Variants in TGFBRAP1 observed in about 807,000 individuals in gnomAD.
The protein encoded by TGFBRAP1 is transforming growth factor-beta receptor-associated protein 1.
TGFBRAP1 carries 20 observed loss-of-function variants against 83.2 expected under a neutral mutation model. That is an observed-to-expected ratio of 0.24 (90% CI 0.17 to 0.35). The LOEUF is 0.35. Ranked by LOEUF, TGFBRAP1 falls within the 10% of genes least tolerant of loss-of-function variation. The pLI is 1.00. For synonymous variants in TGFBRAP1, 415 were observed against 459.8 expected (o/e 0.90, Z 1.25); for missense variants, 950 against 1,099.4 (o/e 0.86, Z 1.92).
At chr2:105,298,917 G>A (rs555632406) in intron 2 of TGFBRAP1, among the ~76,000 whole-genome samples, 1 of 152,256 alleles carries the variant, frequency 6.6e-6, no homozygotes, top group African/African-American at 2.4e-5. Flanking sequence ...TACCCAGAAT[G>A]TATATCTGAT....
the TGFBRAP1 span, among the ~76,000 whole-genome samples, chr2:105,251,216 G>T: frequency 2.0e-5 from 3 of 148,334 alleles, no homozygotes; most frequent in Non-Finnish European, 3.0e-5. Flanking sequence ...GAGCCCCTCC[G>T]CCCGGCCGCC....
chr2:105,321,522 G>GA lies in TGFBRAP1; in HGVS notation c.-18+8102dup, dbSNP rs202114524. ...GCCATTTTAATATAGAACTTTTATA[G>GA]AAAAAAAAATGTTTCTCTGAGAAGC... is the stretch of plus-strand genomic sequence containing the variant. On this transcript the variant is annotated intron_variant, in intron 1 of 11. Coordinates refer to ENST00000393359, the MANE Select transcript of TGFBRAP1 (RefSeq NM_004257.6). Among the ~76,000 whole-genome samples the GA allele has an allele frequency of 9.5e-4, 144 of 150,848 alleles. 1 individual carries two copies. The highest frequency in any genetic ancestry group is 1.6e-3 in the Non-Finnish European group (105 of 67,636).
intron 1 of TGFBRAP1, among the ~76,000 whole-genome samples, chr2:105,317,694 A>C (rs1037798276): frequency 6.6e-5 from 10 of 152,206 alleles, no homozygotes; most frequent in African/African-American, 2.4e-4. Context: ...CCATGAAGAA[A>C]GTGAAAAGAT....
chr2:105,314,249 CTTTTTTTTTTTT>C (rs1198445714), intron 1 of TGFBRAP1, among the ~76,000 whole-genome samples: 1 of 118,644 alleles, frequency 8.4e-6, no homozygotes, highest in African/African-American at 3.5e-5. Flanking sequence ...AGTACTTTCT[CTTTTTTTTTTTT>C]TTTTTTTTTG....
At chr2:105,294,674 GAAAC>G (rs564292556) in intron 4 of TGFBRAP1, among the ~76,000 whole-genome samples, 78 of 152,126 alleles carry the variant, frequency 5.1e-4, no homozygotes, top group African/African-American at 1.8e-3. Flanking sequence ...GGTTAGAAAA[GAAAC>G]AAACAAACAA....
rs1440372969 is a variant in TGFBRAP1 at position 105,280,265 on chromosome 2, A to G, written c.1463+117T>C. The stretch of plus-strand genomic sequence containing the variant: ...GATTTCGTGGCAGTCACCTATAGGT[A>G]CTTGGGAACATAAACATCACACTGG... On this transcript the variant is annotated intron_variant, in intron 6 of 11. Coordinates refer to ENST00000393359, the MANE Select transcript of TGFBRAP1 (RefSeq NM_004257.6). The G allele has an allele frequency of 3.7e-6, 4 of 1,082,404 alleles. No individual in the cohort carries two copies. The East Asian group carries it at 7.7e-5, about 21-fold the overall frequency. The allele number at this position is 1,082,404 out of a possible 1,614,324, so 67.0% of individuals were successfully genotyped here.
At chr2:105,326,175 CAT>C (rs1017831457) in intron 1 of TGFBRAP1, among the ~76,000 whole-genome samples, 8 of 151,984 alleles carry the variant, frequency 5.3e-5, no homozygotes, top group African/African-American at 1.2e-4. Context: ...TACATATAAA[CAT>C]ATATTTATAT....
At chr2:105,260,207 G>C (rs185679756), downstream of TGFBRAP1, among the ~76,000 whole-genome samples, 1 of 152,082 alleles carries the variant, frequency 6.6e-6, no homozygotes, top group African/African-American at 2.4e-5. Context: ...TCAGGAGTTC[G>C]AGACCAGCCT....
At chr2:105,252,452 G>A in the TGFBRAP1 span, among the ~76,000 whole-genome samples, 1 of 152,184 alleles carries the variant, frequency 6.6e-6, no homozygotes, top group Non-Finnish European at 1.5e-5. Context: ...CCCCCTTGCA[G>A]GGGGTTCTGG....
chr2:105,299,595 T>C (rs1450002513), intron 2 of TGFBRAP1, among the ~76,000 whole-genome samples: 2 of 151,890 alleles, frequency 1.3e-5, no homozygotes, highest in African/African-American at 4.8e-5. Context: ...TGAATGTTTT[T>C]AAAATAAAAA....
At position 105,275,748 on chromosome 2, in the gene TGFBRAP1, C is replaced by G. The variant is rs771670685; in HGVS notation, c.1522-45G>C. On this transcript the variant is annotated intron_variant, in intron 7 of 11. Transcript: ENST00000393359. ...AAAAAAAGAAAAAGAAAAGAAAAAA[C>G]AATCATAAAGGCACATATCTCAGAA... 6 of 1,571,628 alleles carry G rather than the reference C, an allele frequency of 3.8e-6. No individual in the cohort carries two copies. In the African/African-American group the frequency reaches 8.2e-5, roughly 22 times the overall value.
intron 1 of TGFBRAP1, among the ~76,000 whole-genome samples, chr2:105,323,989 T>C (rs1010746): frequency 0.55 from 83,522 of 151,874 alleles, 23,713 homozygotes; most frequent in East Asian, 0.73. Context: ...CCCTTTCAAG[T>C]GTGTTAAGGT....
At chr2:105,310,838 T>G (rs1678665652) in intron 1 of TGFBRAP1, among the ~76,000 whole-genome samples, 1 of 152,222 alleles carries the variant, frequency 6.6e-6, no homozygotes, top group African/African-American at 2.4e-5. Context: ...TACTTCTTCC[T>G]TCATTGATTA....
intron 1 of TGFBRAP1, among the ~76,000 whole-genome samples, chr2:105,321,483 C>A (rs1679065823): frequency 6.6e-6 from 1 of 151,980 alleles, no homozygotes; most frequent in Admixed American, 6.6e-5. Context: ...TGATGTTTTT[C>A]AAGTTTCTAT....
At chr2:105,250,583 TCCTCTC>T in the TGFBRAP1 span, among the ~76,000 whole-genome samples, 2 of 143,868 alleles carry the variant, frequency 1.4e-5, no homozygotes, top group East Asian at 2.0e-4. Context: ...TCCCTCTCCC[TCCTCTC>T]CCTCTCCCTC....
At chr2:105,318,012 G>C (rs952265124) in intron 1 of TGFBRAP1, among the ~76,000 whole-genome samples, 1 of 152,130 alleles carries the variant, frequency 6.6e-6, no homozygotes, top group Non-Finnish European at 1.5e-5. Flanking sequence ...CAATGAGGAG[G>C]CTCCACCATG....
chr2:105,299,225 G>A (rs567936341), intron 2 of TGFBRAP1, among the ~76,000 whole-genome samples: 8 of 152,262 alleles, frequency 5.3e-5, no homozygotes, highest in Admixed American at 3.3e-4. Context: ...AGGCTGCAGT[G>A]AGCCGTGATC....
At position 105,319,710 on chromosome 2, in the gene TGFBRAP1, G is replaced by GA. The variant is rs1299081863; in HGVS notation, c.-18+9914dup. Among the ~76,000 whole-genome samples, 114 of 140,290 alleles carry GA rather than the reference G, an allele frequency of 8.1e-4. 2 individuals carry two copies. In the East Asian group the frequency reaches 0.021, roughly 26 times the overall value. The allele number at this position is 140,290 out of a possible 152,430, so 92.0% of individuals were successfully genotyped here. A position where few individuals can be genotyped will look rare whatever the true frequency, so the allele number is the denominator to read the frequency against. On this transcript the variant is annotated intron_variant, in intron 1 of 11. Transcript: ENST00000393359. ...TCTCTCAAAAAAAAAAAAAAGGAAA[G>GA]AAAAAAAAAGAGGCTTGTAACTCCA...
chr2:105,267,434 G>A lies in TGFBRAP1; in HGVS notation c.2532C>T (p.Ala844=), dbSNP rs774429848. Residue 844 remains alanine (A), a synonymous_variant, in exon 12 of 12, where the codon GCC becomes GCT. Coordinates refer to ENST00000393359, the MANE Select transcript of TGFBRAP1 (RefSeq NM_004257.6). ...PNGGLVHTHC[A]ASRHTNPSSS... The stretch of plus-strand genomic sequence containing the variant: ...AGCTGGGGTTTGTGTGTCTGCTGGC[G>A]GCACAGTGGGTGTGCACAAGACCAC... The A allele has an allele frequency of 9.9e-6, 16 of 1,614,024 alleles. No individual in the cohort carries two copies. The highest frequency in any genetic ancestry group is 4.5e-5 in the East Asian group (2 of 44,892).
Sources: allele counts gnomAD v4.1 joint callset (sites outside exome capture counted in the v4.1 genomes callset), GRCh38; gene constraint gnomAD v4.1.1; transcripts MANE v1.5; gene names NCBI Gene and HGNC (gene_info 2026-07-23, HGNC 2026-07-21).